The following RASGRF2 variants were observed in gnomAD, a reference collection of about 807,000 sequenced individuals.
RASGRF2 encodes Ras protein specific guanine nucleotide releasing factor 2, also known as ras-specific guanine nucleotide-releasing factor 2.
Under a neutral mutation model 151.0 loss-of-function variants are expected in RASGRF2, and 76 were observed. The observed-to-expected ratio is 0.50, with a 90% CI of 0.42 to 0.61. The LOEUF (loss-of-function observed/expected upper bound fraction) is 0.61, where lower values mean the gene tolerates loss of function less well. Ranked by LOEUF, RASGRF2 falls within the 20% of genes least tolerant of loss-of-function variation. The pLI, the probability that RASGRF2 is intolerant of heterozygous loss-of-function variation, is 0.00. For synonymous variants in RASGRF2, 504 were observed against 566.5 expected, an observed-to-expected ratio of 0.89 and a Z score of 1.57; for missense variants, 1,148 against 1,564.6, an observed-to-expected ratio of 0.73 and a Z score of 4.49.
At chr5:81,185,472 G>C (rs558725529) in intron 18 of RASGRF2, among the ~76,000 whole-genome samples, 4 of 152,246 alleles carry the variant, frequency 2.6e-5, no homozygotes, top group Admixed American at 2.6e-4. Context: ...AAGACCACTG[G>C]CAGCCCAGGG....
chr5:81,001,547 A>C (rs1749081689), intron 1 of RASGRF2, among the ~76,000 whole-genome samples: 1 of 151,790 alleles, frequency 6.6e-6, no homozygotes, highest in South Asian at 2.1e-4. Flanking sequence ...GCTTCTTGAC[A>C]CTCTTGAGAG....
rs1387208549 is a variant in RASGRF2 at position 81,225,762 on chromosome 5, C to T, written c.3706C>T (p.Pro1236Ser). 3 of 1,611,616 alleles carry T rather than the reference C, an allele frequency of 1.9e-6. No individual in the cohort carries two copies. The highest frequency in any genetic ancestry group is 2.2e-5 in the South Asian group (2 of 90,382). Reference protein sequence around the residue: ...ELSLKIEPRLPA With the variant: ...ELSLKIEPRLSA ...GTCACTAAAAATTGAACCTCGACTC[C>T]CTGCTTGAAGATCTGGCCTTGCCCC... is the stretch of plus-strand genomic sequence containing the variant. Residue 1236 changes from proline to serine, a missense_variant, in exon 27 of 27, where the codon CCT (proline) becomes TCT (serine). By Grantham distance (74) the Pro-to-Ser change is moderately conservative (BLOSUM62 -1). Around this residue, in one of 5 missense-constraint regions of RASGRF2, gnomAD observed 100 missense variants for 148.2 expected, o/e 0.67. Coordinates refer to ENST00000265080, the MANE Select transcript of RASGRF2 (RefSeq NM_006909.3).
chr5:81,213,350 GAAAGGGCCTC>G (rs59767165), intron 23 of RASGRF2, among the ~76,000 whole-genome samples: 56,076 of 151,756 alleles, frequency 0.37, 11,003 homozygotes, highest in Middle Eastern at 0.5. Context: ...GGGCGAGGGG[GAAAGGGCCTC>G]AAAGGGCCTC....
chr5:81,217,567 T>TTA, intron 25 of RASGRF2, 94 bp downstream of exon 25: 1 of 832,528 alleles, frequency 1.2e-6, no homozygotes, highest in Non-Finnish European at 1.6e-6. Context: ...CTTTTTTTTT[T>TTA]TCTCTTCTTT....
chr5:81,043,280 G>A (rs192589413), intron 2 of RASGRF2, among the ~76,000 whole-genome samples: 10 of 152,112 alleles, frequency 6.6e-5, no homozygotes, highest in African/African-American at 2.2e-4. Flanking sequence ...TGTATTGAAT[G>A]TATTGACTCA....
At chr5:80,969,653 G>A (rs188910445) in intron 1 of RASGRF2, among the ~76,000 whole-genome samples, 130 of 148,060 alleles carry the variant, frequency 8.8e-4, no homozygotes, top group African/African-American at 2.7e-3. Flanking sequence ...GGGTTTCACC[G>A]TGTTAGCCAG....
At chr5:81,127,923 C>CAAAA (rs60196392) in intron 17 of RASGRF2, among the ~76,000 whole-genome samples, 131 of 64,818 alleles carry the variant, frequency 2.0e-3, no homozygotes, top group African/African-American at 3.9e-3. Context: ...GACTCCGTCT[C>CAAAA]AAAAAAAAAA....
At chr5:81,200,214 T>C (rs1755355538) in intron 18 of RASGRF2, among the ~76,000 whole-genome samples, 2 of 147,798 alleles carry the variant, frequency 1.4e-5, no homozygotes, top group Admixed American at 6.8e-5. Context: ...GAGGCTGCAG[T>C]GAGCTATGAT....
intron 1 of RASGRF2, among the ~76,000 whole-genome samples, chr5:81,028,396 G>C (rs527462615): frequency 1.3e-5 from 2 of 151,678 alleles, no homozygotes; most frequent in South Asian, 2.1e-4. Context: ...TTGTATTTCT[G>C]ATGTCTTTCT....
At position 81,201,310 on chromosome 5, in the gene RASGRF2, A is replaced by C. The variant is rs576438522; in HGVS notation, c.2794-20A>C. 6.2e-7 allele frequency: 1 copy of C among 1,602,550 alleles called. No individual in the cohort carries two copies. Among genetic ancestry groups the C allele is most frequent in the African/African-American group, 1.3e-5 (1 of 74,130 alleles). On this transcript the variant is annotated intron_variant, in intron 18 of 26. Transcript: ENST00000265080. ...ACCCTTTCAAAGCTAAAATTTAAAA[A>C]GATTCATTTTATTTTACAGGATTTC... is the stretch of plus-strand genomic sequence containing the variant.
At chr5:80,997,836 G>A (rs1455825357) in intron 1 of RASGRF2, among the ~76,000 whole-genome samples, 1 of 151,974 alleles carries the variant, frequency 6.6e-6, no homozygotes, top group Non-Finnish European at 1.5e-5. Flanking sequence ...GGGCGTGGTG[G>A]CGGGCGCCTG....
chr5:81,051,940 T>A (rs552678), intron 2 of RASGRF2, among the ~76,000 whole-genome samples: 133,417 of 152,214 alleles, frequency 0.88, 58,838 homozygotes, highest in Middle Eastern at 0.93. Flanking sequence ...TCCCACCAGC[T>A]ACGTATTGAG....
intron 1 of RASGRF2, among the ~76,000 whole-genome samples, chr5:81,009,899 C>G (rs1268937207): frequency 6.6e-6 from 1 of 152,144 alleles, no homozygotes; most frequent in Non-Finnish European, 1.5e-5. Flanking sequence ...TGGCTCACAC[C>G]TGTAATCCCA....
chr5:81,127,347 C>A lies in RASGRF2; in HGVS notation c.2686+184C>A, dbSNP rs549327265. On this transcript the variant is annotated intron_variant, in intron 17 of 26. Coordinates refer to ENST00000265080, the MANE Select transcript of RASGRF2 (RefSeq NM_006909.3). ...GAGACTAGCCAGGGCAACATAGAGA[C>A]CCCATCTCTATAAAAAATTTTTAAA... Among the ~76,000 whole-genome samples the A allele has an allele frequency of 2.6e-5, 4 of 152,172 alleles. No individual in the cohort carries two copies. In the East Asian group the frequency reaches 7.7e-4, roughly 29 times the overall value.
intron 17 of RASGRF2, among the ~76,000 whole-genome samples, chr5:81,148,803 C>T (rs1200683591): frequency 6.6e-6 from 1 of 151,214 alleles, no homozygotes; most frequent in African/African-American, 2.4e-5. Context: ...TGCACATGTA[C>T]CCTAAAACTT....
chr5:81,087,665 A>C, intron 9 of RASGRF2: 1 of 406,048 alleles, frequency 2.5e-6, no homozygotes, highest in South Asian at 5.9e-5. Flanking sequence ...ACCACATCCC[A>C]AGTTATTTTT....
In RASGRF2 at chr5:81,228,936, G is replaced by A. The variant is rs1011204127; in HGVS notation, c.*3166G>A. On this transcript the variant is annotated 3_prime_UTR_variant, in exon 27 of 27. Coordinates refer to ENST00000265080, the MANE Select transcript of RASGRF2 (RefSeq NM_006909.3). ...TACTTATAAACAAATGAAACTCAGAGAAACTGAATCACCTGGAAGAGAAAA... is the reference window on the plus strand; with the variant it reads ...TACTTATAAACAAATGAAACTCAGAAAAACTGAATCACCTGGAAGAGAAAA... The A allele has an allele frequency of 6.6e-6, 1 of 152,188 alleles. No individual in the cohort carries two copies. Among genetic ancestry groups the A allele is most frequent in the African/African-American group, 2.4e-5 (1 of 41,434 alleles). The allele number at this position is 152,188 out of a possible 1,614,324, so 9.4% of individuals were successfully genotyped here.
At chr5:81,224,173 GA>G (rs961526730) in intron 26 of RASGRF2, among the ~76,000 whole-genome samples, 9 of 151,656 alleles carry the variant, frequency 5.9e-5, no homozygotes, top group Non-Finnish European at 1.0e-4. Context: ...ATTCATAGAA[GA>G]AAAAAAATGA....
chr5:81,121,648 C>T (rs1166583382), intron 15 of RASGRF2, among the ~76,000 whole-genome samples: 46 of 152,136 alleles, frequency 3.0e-4, no homozygotes, highest in Admixed American at 3.0e-3. Context: ...CAGACTCATC[C>T]AACATTCACT....
Sources: allele counts gnomAD v4.1 joint callset (sites outside exome capture counted in the v4.1 genomes callset), GRCh38; gene constraint gnomAD v4.1.1; regional missense constraint gnomAD v4.1.1; transcripts MANE v1.5; gene names NCBI Gene and HGNC (gene_info 2026-07-23, HGNC 2026-07-21).